The following ANKFN1 variants were observed in gnomAD, a reference collection of about 807,000 sequenced individuals.
ANKFN1 encodes the protein ankyrin repeat and fibronectin type-III domain-containing protein 1.
ANKFN1 carries 74 observed loss-of-function variants against 108.7 expected under a neutral mutation model. The ratio of observed to expected loss-of-function variants is 0.68; its 90% confidence interval spans 0.56 to 0.83. The LOEUF is 0.83. Ranked by LOEUF, ANKFN1 falls within the 40% of genes least tolerant of loss-of-function variation. The pLI, the probability that ANKFN1 is intolerant of heterozygous loss-of-function variation, is 0.00. For synonymous variants in ANKFN1, 547 were observed against 516.2 expected (o/e 1.06, Z -0.81); for missense variants, 1,505 against 1,382.3 (o/e 1.09, Z -1.41).
chr17:56,354,282 A>T (rs950617402), intron 6 of ANKFN1, among the ~76,000 whole-genome samples: 4 of 152,172 alleles, frequency 2.6e-5, no homozygotes, highest in African/African-American at 9.6e-5. Flanking sequence ...CCCCCAAAGA[A>T]CTTCTAAGAA....
intron 19 of ANKFN1, among the ~76,000 whole-genome samples, chr17:56,494,222 T>C (rs755879067): frequency 6.6e-6 from 1 of 152,184 alleles, no homozygotes; most frequent in Non-Finnish European, 1.5e-5. Context: ...ATATCTTAGG[T>C]GACCTCTCAG....
chr17:56,458,896 T>C (rs1213431393), intron 14 of ANKFN1, among the ~76,000 whole-genome samples: 1 of 152,222 alleles, frequency 6.6e-6, no homozygotes, highest in Non-Finnish European at 1.5e-5. Context: ...TCTATGGCTT[T>C]GCCCCCCACC....
intron 5 of ANKFN1, among the ~76,000 whole-genome samples, chr17:56,351,236 C>T (rs748008511): frequency 2.5e-4 from 36 of 144,662 alleles, no homozygotes; most frequent in African/African-American, 7.3e-4. Flanking sequence ...AAATAAACCT[C>T]AAAAAAAAAA....
chr17:56,207,918 C>T (rs1346959502), intron 1 of ANKFN1, among the ~76,000 whole-genome samples: 1 of 152,162 alleles, frequency 6.6e-6, no homozygotes, highest in Non-Finnish European at 1.5e-5. Flanking sequence ...TCTAACTCTC[C>T]AAGCAGGATA....
chr17:56,406,405 C>T (rs1393518509), intron 8 of ANKFN1, among the ~76,000 whole-genome samples: 1 of 151,984 alleles, frequency 6.6e-6, no homozygotes, highest in Admixed American at 6.6e-5. Context: ...TTTCTGTAAC[C>T]ATAGAGGGTG....
intron 15 of ANKFN1, among the ~76,000 whole-genome samples, chr17:56,476,157 C>T (rs771907052): frequency 2.6e-5 from 4 of 152,172 alleles, no homozygotes; most frequent in Admixed American, 6.5e-5. Context: ...CACCAGGCCC[C>T]TCCGCCAATT....
At chr17:56,129,575 G>C (rs139082777) in intron 4 of ANKFN1, among the ~76,000 whole-genome samples, 2 of 151,702 alleles carry the variant, frequency 1.3e-5, no homozygotes, top group Non-Finnish European at 2.9e-5. Flanking sequence ...GAAACATAAG[G>C]TTACTTTCTG....
At chr17:56,121,184 C>T (rs575286531) in intron 4 of ANKFN1, among the ~76,000 whole-genome samples, 1 of 152,042 alleles carries the variant, frequency 6.6e-6, no homozygotes, top group East Asian at 1.9e-4. Context: ...TTTAAAAGAT[C>T]TTATTCCAAG....
rs1463546534 is a variant in ANKFN1, at chr17:56,512,763, C to T, written c.*1494C>T. The stretch of plus-strand genomic sequence containing the variant: ...CCTGTTCACAATGTTATTCTGATCC[C>T]TTCCATTTTAAAAACATTTGATTTA... On this transcript the variant is annotated 3_prime_UTR_variant, in exon 21 of 21. Transcript: ENST00000682825. Among the ~76,000 whole-genome samples, 6 of 152,234 alleles carry T rather than the reference C, an allele frequency of 3.9e-5. No individual in the cohort carries two copies. Among genetic ancestry groups the T allele is most frequent in the Non-Finnish European group, 8.8e-5 (6 of 68,040 alleles).
At chr17:56,397,170 A>G (rs562323633) in intron 8 of ANKFN1, among the ~76,000 whole-genome samples, 4 of 152,318 alleles carry the variant, frequency 2.6e-5, no homozygotes, top group Admixed American at 2.6e-4. Context: ...ATCTAAATAG[A>G]TGAAGATCCA....
rs888728303 is a variant in ANKFN1 at position 56,065,489 on chromosome 17, C to T, written c.288+19164C>T. Among the ~76,000 whole-genome samples, 10 of 152,294 alleles carry T rather than the reference C, an allele frequency of 6.6e-5. No homozygotes were observed. In the East Asian group the frequency reaches 1.2e-3, roughly 18 times the overall value. On this transcript the variant is annotated intron_variant, in intron 4 of 12. Transcript: ENST00000635860. ...AACTTAGCTTTTGGCCTATCTCAGC[C>T]TCTGAGATGCCTTTCTCGCTAAGTT...
chr17:56,487,555 T>C (rs1301687057), intron 18 of ANKFN1, among the ~76,000 whole-genome samples: 2 of 151,998 alleles, frequency 1.3e-5, no homozygotes, highest in African/African-American at 4.8e-5. Flanking sequence ...TTTTAAAAAA[T>C]AATAGTTTGA....
intron 3 of ANKFN1, among the ~76,000 whole-genome samples, chr17:56,291,039 A>G (rs2044349573): frequency 6.6e-6 from 1 of 152,186 alleles, no homozygotes; most frequent in Non-Finnish European, 1.5e-5. Context: ...CATGTCCCTC[A>G]ACTCTTAAAA....
chr17:56,480,845 CT>C lies in ANKFN1; in HGVS notation c.2091+34del, dbSNP rs151123524. On this transcript the variant is annotated intron_variant, in intron 17 of 20. Coordinates refer to ENST00000682825, the MANE Select transcript of ANKFN1 (RefSeq NM_001370326.1). ...TACTAGACTTTACCATTTTTATCTT[CT>C]TTTTTTATGGCTCATGGAAACTGCA... is the stretch of plus-strand genomic sequence containing the variant. 5,691 of 1,604,132 alleles carry C rather than the reference CT, an allele frequency of 3.5e-3. 131 individuals are homozygous for C. In the African/African-American group the frequency reaches 0.061, roughly 17 times the overall value.
At chr17:56,378,663 G>T (rs1251691142) in intron 8 of ANKFN1, among the ~76,000 whole-genome samples, 3 of 152,210 alleles carry the variant, frequency 2.0e-5, no homozygotes, top group East Asian at 3.9e-4. Context: ...AGAGAGGTGG[G>T]GAGGAGGCCA....
intron 1 of ANKFN1, among the ~76,000 whole-genome samples, chr17:56,180,902 G>T (rs1186786029): frequency 6.6e-6 from 1 of 152,154 alleles, no homozygotes; most frequent in African/African-American, 2.4e-5. Flanking sequence ...TTACCTTGTA[G>T]CATCGAGGAA....
In ANKFN1 at chr17:56,353,926, G is replaced by A; in HGVS notation, c.481G>A (p.Glu161Lys). Reference protein sequence around the residue: ...QILLYQYTPEELDLNTPNSEG... With the variant: ...QILLYQYTPEKLDLNTPNSEG... ...CCTCCTGTATCAGTACACACCAGAAGAACTTGACCTCAACACACCTAACAG... is the reference window on the plus strand; with the variant it reads ...CCTCCTGTATCAGTACACACCAGAAAAACTTGACCTCAACACACCTAACAG... Residue 161 changes from glutamate (E) to lysine (K), a missense_variant, in exon 6 of 21, where the codon GAA becomes AAA. By Grantham distance (56) the Glu-to-Lys change is moderately conservative. Coordinates refer to ENST00000682825, the MANE Select transcript of ANKFN1 (RefSeq NM_001370326.1). 6.2e-7 allele frequency: 1 copy of A among 1,614,006 alleles called. No homozygotes were observed. Among genetic ancestry groups the A allele is most frequent in the Non-Finnish European group, 8.5e-7 (1 of 1,179,980 alleles).
chr17:56,297,911 A>G (rs539066531), intron 3 of ANKFN1, among the ~76,000 whole-genome samples: 1 of 152,346 alleles, frequency 6.6e-6, no homozygotes, highest in South Asian at 2.1e-4. Context: ...ACCATTAGAA[A>G]ATATACTTTT....
Position 56,510,704 on chromosome 17 carries a change from G to A in ANKFN1, c.2876G>A (p.Gly959Asp), listed in dbSNP as rs2051722997. 1.3e-6 allele frequency: 2 copies of A among 1,536,136 alleles called. No individual in the cohort carries two copies. The highest frequency in any genetic ancestry group is 4.9e-5 in the East Asian group (2 of 40,896). Residue 959 changes from glycine (G) to aspartate (D), a missense_variant, in exon 21 of 21, where the codon GGC becomes GAC. Gly to Asp is a moderately conservative substitution (Grantham distance 94). Transcript: ENST00000682825. ...CCGGGCCAGGATCCCCAGGGCGAGG[G>A]CCCAAATCCCGATCACTCATGTGCC... The part of the protein sequence containing the change: ...LGPGQDPQGE[G>D]PNPDHSCAEF...
Sources: gnomAD v4.1 joint callset for allele counts (sites outside exome capture counted in the v4.1 genomes callset) on GRCh38, gnomAD v4.1.1 for gene constraint, MANE v1.5 for transcripts, NCBI Gene and HGNC (gene_info 2026-07-23, HGNC 2026-07-21) for gene names.